NXPE2: variants seen among roughly 807,000 people sequenced by gnomAD.
NXPE2 encodes neurexophilin and PC-esterase domain family member 2, also known as NXPE family member 2.
NXPE2 carries 34 observed loss-of-function variants against 34.4 expected under a neutral mutation model. That is an observed-to-expected ratio of 0.99 (90% CI 0.75 to 1.31). The LOEUF (loss-of-function observed/expected upper bound fraction) is 1.31, where lower values mean the gene tolerates loss of function less well. Ranked by LOEUF, NXPE2 falls within the 40% of genes most tolerant of loss-of-function variation. NXPE2 has a pLI of 0.00. For synonymous variants in NXPE2, 235 were observed against 231.3 expected (o/e 1.02, Z -0.15); for missense variants, 649 against 672.5 (o/e 0.97, Z 0.39).
At chr11:114,639,871 T>TAATTTATATATATATA in the NXPE2 span, among the ~76,000 whole-genome samples, 1 of 61,428 alleles carries the variant, frequency 1.6e-5, no homozygotes, top group Non-Finnish European at 2.7e-5. Context: ...ATATTTTATA[T>TAATTTATATATATATA]TAAATATAAA....
chr11:114,523,224 G>T, the NXPE2 span: 1 of 644,184 alleles, frequency 1.6e-6, no homozygotes. Context: ...TCCCTTTCTA[G>T]TCCTATTCTT....
At chr11:114,567,047 TCTC>T in the NXPE2 span, among the ~76,000 whole-genome samples, 2 of 152,192 alleles carry the variant, frequency 1.3e-5, no homozygotes, top group South Asian at 4.1e-4. Flanking sequence ...AAGAAGGAAC[TCTC>T]CTGCTGTTTC....
At chr11:114,630,692 G>C in the NXPE2 span, among the ~76,000 whole-genome samples, 1 of 150,958 alleles carries the variant, frequency 6.6e-6, no homozygotes, top group Admixed American at 6.6e-5. Flanking sequence ...TTAAACTAAA[G>C]AGCTTCTGCA....
At chr11:114,672,720 G>A in the NXPE2 span, among the ~76,000 whole-genome samples, 9 of 151,804 alleles carry the variant, frequency 5.9e-5, no homozygotes, top group African/African-American at 2.2e-4. Context: ...AATGAGGAAC[G>A]TTTTCTAATG....
At chr11:114,782,361 C>G in the NXPE2 span, among the ~76,000 whole-genome samples, 145,920 of 152,236 alleles carry the variant, frequency 0.96, 70,259 homozygotes, top group Middle Eastern at 1. Context: ...GCAGGATTGG[C>G]TTTTAGATGT....
the NXPE2 span, chr11:114,583,146 G>T: frequency 9.3e-7 from 1 of 1,072,270 alleles, no homozygotes; most frequent in Non-Finnish European, 1.3e-6. Flanking sequence ...TTGTGATTTT[G>T]AATATTGATT....
At chr11:114,553,911 T>C in the NXPE2 span, 1 of 984,578 alleles carries the variant, frequency 1.0e-6, no homozygotes, top group Non-Finnish European at 1.2e-6. Context: ...TCAAAGGCTA[T>C]AAACAGGATT....
At chr11:114,687,981 G>A (rs1951079481) in intron 2 of NXPE2, among the ~76,000 whole-genome samples, 1 of 152,026 alleles carries the variant, frequency 6.6e-6, no homozygotes, top group African/African-American at 2.4e-5. Context: ...TCAGGTCTAG[G>A]AGTCTTTTGG....
At chr11:114,724,304 C>T in the NXPE2 span, among the ~76,000 whole-genome samples, 1 of 152,010 alleles carries the variant, frequency 6.6e-6, no homozygotes, top group Non-Finnish European at 1.5e-5. Flanking sequence ...TCTCATCCCT[C>T]ACCCCTGAGT....
At chr11:114,701,660 G>A (rs1951367388) in intron 3 of NXPE2, among the ~76,000 whole-genome samples, 1 of 152,062 alleles carries the variant, frequency 6.6e-6, no homozygotes, top group Non-Finnish European at 1.5e-5. Flanking sequence ...TAAGCTCTAG[G>A]GTCCCTTCCT....
the NXPE2 span, among the ~76,000 whole-genome samples, chr11:114,560,701 T>C: frequency 6.6e-6 from 1 of 152,244 alleles, no homozygotes; most frequent in Admixed American, 6.5e-5. Flanking sequence ...CAGTAAATGT[T>C]GCTGTAACTT....
At chr11:114,625,155 T>C in the NXPE2 span, among the ~76,000 whole-genome samples, 1 of 152,174 alleles carries the variant, frequency 6.6e-6, no homozygotes, top group Non-Finnish European at 1.5e-5. Context: ...AAGTATTGCC[T>C]TGTGGGTAAC....
At chr11:114,678,323 T>C (rs1448935463), upstream of NXPE2, 6 of 380,986 alleles carry the variant, frequency 1.6e-5, no homozygotes, top group Admixed American at 4.2e-5. Context: ...TGCAATTAGA[T>C]GTCCAGTCTC....
chr11:114,745,194 G>C, the NXPE2 span, among the ~76,000 whole-genome samples: 8 of 152,240 alleles, frequency 5.3e-5, no homozygotes, highest in Admixed American at 5.2e-4. Flanking sequence ...CCTGAGGCTG[G>C]GTAATTTATA....
At chr11:114,627,669 A>G in the NXPE2 span, among the ~76,000 whole-genome samples, 36 of 152,012 alleles carry the variant, frequency 2.4e-4, no homozygotes, top group Middle Eastern at 3.4e-3. Context: ...ACACATAACA[A>G]TATTAACTTT....
the NXPE2 span, among the ~76,000 whole-genome samples, chr11:114,482,719 C>A: frequency 6.6e-6 from 1 of 152,174 alleles, no homozygotes. Flanking sequence ...TCTAATCTGT[C>A]AATCCCATGC....
the NXPE2 span, among the ~76,000 whole-genome samples, chr11:114,609,986 A>G: frequency 2.7e-5 from 4 of 146,842 alleles, no homozygotes; most frequent in African/African-American, 1.0e-4. Context: ...GTTGCCTCAC[A>G]GGTAACCACT....
At chr11:114,524,336 C>T in the NXPE2 span, among the ~76,000 whole-genome samples, 3 of 152,190 alleles carry the variant, frequency 2.0e-5, no homozygotes, top group Admixed American at 2.0e-4. Context: ...GCAGTTTCTG[C>T]TTTACCCTCC....
chr11:114,532,412 A>C, the NXPE2 span, among the ~76,000 whole-genome samples: 2 of 152,146 alleles, frequency 1.3e-5, no homozygotes, highest in African/African-American at 4.8e-5. Context: ...AAAATAGATA[A>C]AAATACAATA....
Sources: gnomAD v4.1 joint callset for allele counts (sites outside exome capture counted in the v4.1 genomes callset) on GRCh38, gnomAD v4.1.1 for gene constraint, MANE v1.5 for transcripts, NCBI Gene and HGNC (gene_info 2026-07-23, HGNC 2026-07-21) for gene names.